TULP3: variants seen among roughly 807,000 people sequenced by gnomAD.
The protein encoded by TULP3 is tubby-related protein 3.
Under a neutral mutation model 50.7 loss-of-function variants are expected in TULP3, and 38 were observed. The observed-to-expected ratio is 0.75, with a 90% CI of 0.58 to 0.98. The LOEUF is 0.98. TULP3 is among the 50% of genes least tolerant of loss of function. The probability of loss-of-function intolerance (pLI) is 0.00; values close to 1 mark genes in which losing one functional copy is unlikely to be tolerated. For synonymous variants in TULP3, 183 were observed against 196.6 expected, an observed-to-expected ratio of 0.93 and a Z score of 0.58; for missense variants, 550 against 568.0, an observed-to-expected ratio of 0.97 and a Z score of 0.32.
Position 2,922,147 on chromosome 12 carries a change from G to A in TULP3, c.254-115G>A, listed in dbSNP as rs2098192146. On this transcript the variant is annotated intron_variant, in intron 3 of 10. Transcript: ENST00000448120. ...AATGTTCTTATGGATGTTAAGAAAG[G>A]AGGGCAGATAAAATGATTTGGTAGT... 3 of 1,240,898 alleles carry A rather than the reference G, an allele frequency of 2.4e-6. No homozygotes were observed. In the African/African-American group the frequency reaches 4.6e-5, roughly 19 times the overall value. 76.9% of individuals were successfully genotyped at this position (1,240,898 alleles called of 1,614,324 possible). A position where few individuals can be genotyped will look rare whatever the true frequency, so the allele number is the denominator to read the frequency against.
chr12:2,891,317 C>T (rs906742951), intron 1 of TULP3, among the ~76,000 whole-genome samples: 7 of 152,308 alleles, frequency 4.6e-5, no homozygotes, highest in African/African-American at 1.7e-4. Flanking sequence ...GGCGCTGGCC[C>T]CGCTCAGCTC....
rs761325000 is a variant in TULP3, at chr12:2,922,277, C to A, written c.269C>A (p.Ala90Asp). 1.9e-6 allele frequency: 3 copies of A among 1,613,376 alleles called. No individual in the cohort carries two copies. The South Asian group carries it at 3.3e-5, about 18-fold the overall frequency. ...TGGCCCTTAGGTATTGATGGTCCAG[C>A]TGCTGTCCTGAAACCAGACGAAGTT... ...NVILHGIDGP[A>D]AVLKPDEVHA... The change falls in exon 4 of 11, where the codon GCT (alanine) becomes GAT (aspartate). Residue 90 changes from alanine to aspartate, a missense_variant. By Grantham distance (126) the Ala-to-Asp change is moderately radical (BLOSUM62 -2). Coordinates refer to ENST00000448120, the MANE Select transcript of TULP3 (RefSeq NM_003324.5).
rs775630375 is a variant in TULP3, at chr12:2,922,255, C to G, written c.254-7C>G. Reference sequence around the variant, plus strand: ...TTTTTTAAAATTCATTTTATTTTGGCCCTTAGGTATTGATGGTCCAGCTGC... The same window carrying G: ...TTTTTTAAAATTCATTTTATTTTGGGCCTTAGGTATTGATGGTCCAGCTGC... On this transcript the variant is annotated splice_region_variant and splice_polypyrimidine_tract_variant and intron_variant, in intron 3 of 10. Transcript: ENST00000448120. The G allele has an allele frequency of 6.2e-7, 1 of 1,606,106 alleles. No individual in the cohort carries two copies. The highest frequency in any genetic ancestry group is 1.1e-5 in the South Asian group (1 of 89,022).
At chr12:2,931,307 TGGGCCTTA>T in intron 6 of TULP3, 67 bp downstream of exon 6, 1 of 1,517,026 alleles carries the variant, frequency 6.6e-7, no homozygotes, top group Middle Eastern at 1.9e-4. Flanking sequence ...AGATTGTTGA[TGGGCCTTA>T]GGGAACTAAC....
At chr12:2,922,171 G>C in intron 3 of TULP3, 91 bp from the exon 4 acceptor site, 1 of 1,433,452 alleles carries the variant, frequency 7.0e-7, no homozygotes, top group South Asian at 1.4e-5. Context: ...TGATTTGGTA[G>C]TTCTTAATTC....
chr12:2,933,038 G>A (rs887847897), intron 6 of TULP3, among the ~76,000 whole-genome samples: 1 of 152,058 alleles, frequency 6.6e-6, no homozygotes, highest in African/African-American at 2.4e-5. Flanking sequence ...CGCCTCCTGG[G>A]TTCATGCCAT....
chr12:2,899,026 T>G (rs2098177245), intron 1 of TULP3, among the ~76,000 whole-genome samples: 1 of 152,140 alleles, frequency 6.6e-6, no homozygotes, highest in African/African-American at 2.4e-5. Context: ...ATATTATTCT[T>G]CAGATATTTT....
intron 1 of TULP3, 40 bp downstream of exon 1, chr12:2,891,028 G>A (rs1303436228): frequency 3.3e-6 from 5 of 1,527,978 alleles, no homozygotes; most frequent in Non-Finnish European, 4.4e-6. Flanking sequence ...TGAGCGAGGC[G>A]GAGGGGCGAA....
chr12:2,927,765 G>A (rs1366636188), intron 4 of TULP3, among the ~76,000 whole-genome samples: 1 of 152,122 alleles, frequency 6.6e-6, no homozygotes, highest in Non-Finnish European at 1.5e-5. Context: ...TTTCCGAGAT[G>A]TTGAATGTGC....
rs1293480852 is a variant in TULP3 at position 2,934,576 on chromosome 12, C to T, written c.924+15C>T. On this transcript the variant is annotated intron_variant, in intron 8 of 10. Coordinates refer to ENST00000448120, the MANE Select transcript of TULP3 (RefSeq NM_003324.5). ...CCATCTCCTATGTGAGTGCTGCTTTCCCAGGGCCGCTGCCTGCCCTCCTGG... is the reference window on the plus strand; with the variant it reads ...CCATCTCCTATGTGAGTGCTGCTTTTCCAGGGCCGCTGCCTGCCCTCCTGG... 2 of 1,535,896 alleles carry T rather than the reference C, an allele frequency of 1.3e-6. No individual in the cohort carries two copies. Among genetic ancestry groups the T allele is most frequent in the Non-Finnish European group, 1.8e-6 (2 of 1,137,472 alleles).
chr12:2,916,470 A>G (rs1170086035), intron 2 of TULP3, among the ~76,000 whole-genome samples: 2 of 152,206 alleles, frequency 1.3e-5, no homozygotes, highest in Non-Finnish European at 2.9e-5. Flanking sequence ...TTCAATTCCC[A>G]AGATAATTAG....
intron 1 of TULP3, among the ~76,000 whole-genome samples, chr12:2,896,458 G>A (rs985419811): frequency 3.3e-5 from 5 of 152,142 alleles, no homozygotes; most frequent in Admixed American, 1.3e-4. Flanking sequence ...TTTAATACAC[G>A]TGTTCAGTCG....
At chr12:2,902,706 G>A (rs963110427) in intron 1 of TULP3, among the ~76,000 whole-genome samples, 2 of 152,146 alleles carry the variant, frequency 1.3e-5, no homozygotes, top group African/African-American at 4.8e-5. Context: ...GGTCTGTTGG[G>A]TATAGCACTA....
At chr12:2,930,226 A>C in intron 4 of TULP3, 22 bp from the exon 5 acceptor site, 1 of 1,557,110 alleles carries the variant, frequency 6.4e-7, no homozygotes, top group Non-Finnish European at 8.8e-7. Context: ...GGCAGTGCTA[A>C]CAGTTCTTCC....
At chr12:2,918,202 C>T (rs766020178) in intron 2 of TULP3, among the ~76,000 whole-genome samples, 62 of 152,190 alleles carry the variant, frequency 4.1e-4, no homozygotes, top group South Asian at 3.7e-3. Flanking sequence ...CAACCTCTGC[C>T]TCCCAGGTTC....
chr12:2,938,173 G>T lies in TULP3; in HGVS notation c.1083G>T (p.Leu361=), dbSNP rs1591540150. 7 of 1,614,056 alleles carry T rather than the reference G, an allele frequency of 4.3e-6. No individual in the cohort carries two copies. The East Asian group carries it at 1.6e-4, about 36-fold the overall frequency. Residue 361 remains leucine (L), a synonymous_variant, in exon 10 of 11, where the codon CTG becomes CTT. Coordinates refer to ENST00000448120, the MANE Select transcript of TULP3 (RefSeq NM_003324.5). The stretch of plus-strand genomic sequence containing the variant: ...GAACTATGGAAAATCTGGTTGAGCT[G>T]CACAACAAGGCCCCCGTCTGGAACA... ...QNRTMENLVE[L]HNKAPVWNSD...
intron 4 of TULP3, among the ~76,000 whole-genome samples, chr12:2,928,572 G>A (rs1440446208): frequency 6.6e-6 from 1 of 151,572 alleles, no homozygotes; most frequent in Non-Finnish European, 1.5e-5. Context: ...ATGCTGAGGG[G>A]AATAAAACTG....
At position 2,913,243 on chromosome 12, in the gene TULP3, C is replaced by G. The variant is rs529699430; in HGVS notation, c.93+3663C>G. Among the ~76,000 whole-genome samples the G allele has an allele frequency of 1.1e-4, 11 of 99,250 alleles. No individual in the cohort carries two copies. In the South Asian group the frequency reaches 3.0e-3, roughly 27 times the overall value. 65.1% of individuals were successfully genotyped at this position (99,250 alleles called of 152,430 possible). A position where few individuals can be genotyped will look rare whatever the true frequency, so the allele number is the denominator to read the frequency against. The stretch of plus-strand genomic sequence containing the variant: ...TGTGTATGTGTGTGTGTGTGGTGGC[C>G]TTTTATTTTTTTTTATTTTTTTGAG... On this transcript the variant is annotated intron_variant, in intron 2 of 10. Coordinates refer to ENST00000448120, the MANE Select transcript of TULP3 (RefSeq NM_003324.5).
At chr12:2,905,867 T>C (rs746115644) in intron 1 of TULP3, among the ~76,000 whole-genome samples, 3 of 151,692 alleles carry the variant, frequency 2.0e-5, no homozygotes, top group Non-Finnish European at 4.4e-5. Context: ...TTTTCCCCCA[T>C]GCCAGAAGTC....
Sources: gnomAD v4.1 joint callset for allele counts (sites outside exome capture counted in the v4.1 genomes callset) on GRCh38, gnomAD v4.1.1 for gene constraint, MANE v1.5 for transcripts, NCBI Gene and HGNC (gene_info 2026-07-23, HGNC 2026-07-21) for gene names.